SF3B1: variants seen among roughly 807,000 people sequenced by gnomAD.
The protein encoded by SF3B1 is splicing factor 3b subunit 1.
Under a neutral mutation model 153.8 loss-of-function variants are expected in SF3B1, and 12 were observed. The observed-to-expected ratio is 0.08, with a 90% CI of 0.05 to 0.13. The LOEUF (loss-of-function observed/expected upper bound fraction) is 0.13, where lower values mean the gene tolerates loss of function less well. Ranked by LOEUF, SF3B1 falls within the 10% of genes least tolerant of loss-of-function variation. The pLI, the probability that SF3B1 is intolerant of heterozygous loss-of-function variation, is 1.00. For missense variants in SF3B1, 513 were observed against 1,606.1 expected (o/e 0.32, Z 11.63); for synonymous variants, 498 against 525.2 (o/e 0.95, Z 0.71).
chr2:197,397,144 TC>T (rs2084884013), intron 22 of SF3B1, among the ~76,000 whole-genome samples: 1 of 152,198 alleles, frequency 6.6e-6, no homozygotes, highest in Non-Finnish European at 1.5e-5. Flanking sequence ...TTCAGTTAAA[TC>T]CGTGGAGTAA....
rs2105987900 is a variant in SF3B1, at chr2:197,402,954, C to A, written c.1801G>T (p.Ala601Ser). Residue 601 changes from alanine (A) to serine (S), a missense_variant, in exon 13 of 25, where the codon GCA (alanine) becomes TCA (serine). Ala to Ser is a moderately conservative substitution (Grantham distance 99). Around this residue, in one of 21 missense-constraint regions of SF3B1, gnomAD observed 34 missense variants for 190.8 expected, o/e 0.18. Coordinates refer to ENST00000335508, the MANE Select transcript of SF3B1 (RefSeq NM_012433.4). This position sits in a 1 kb window ranked among gnomAD's most constrained non-coding sequence, Gnocchi z 4.6. The part of the protein sequence containing the change: ...VEGREIISNL[A>S]KAAGLATMIS... ...TAGAAATTAAATGTAAATACCTTTG[C>A]CAAATTAGAAATGATCTCTCGGCCT... The A allele has an allele frequency of 6.2e-7, 1 of 1,613,032 alleles. No homozygotes were observed. Among genetic ancestry groups the A allele is most frequent in the Non-Finnish European group, 8.5e-7 (1 of 1,179,260 alleles).
rs2084804236 is a variant in SF3B1 at position 197,390,905 on chromosome 2, G to C, written c.*1398C>G. Reference sequence around the variant, plus strand: ...CATGAGCCACCACACCCGGCCACAAGCTGTTTCTTAACTAAGCTTCTGAAG... The same window carrying C: ...CATGAGCCACCACACCCGGCCACAACCTGTTTCTTAACTAAGCTTCTGAAG... On this transcript the variant is annotated 3_prime_UTR_variant, in exon 25 of 25. Coordinates refer to ENST00000335508, the MANE Select transcript of SF3B1 (RefSeq NM_012433.4). 1 of 152,326 alleles carries C rather than the reference G, an allele frequency of 6.6e-6. No homozygotes were observed. Among genetic ancestry groups the C allele is most frequent in the Admixed American group, 6.5e-5 (1 of 15,286 alleles). 9.4% of individuals were successfully genotyped at this position (152,326 alleles called of 1,614,324 possible).
rs2085044343 is a variant in SF3B1 at position 197,410,011 on chromosome 2, A to T, written c.667-4T>A. 6.3e-7 allele frequency: 1 copy of T among 1,576,442 alleles called. No individual in the cohort carries two copies. On this transcript the variant is annotated splice_region_variant and splice_polypyrimidine_tract_variant and intron_variant, in intron 6 of 24. Coordinates refer to ENST00000335508, the MANE Select transcript of SF3B1 (RefSeq NM_012433.4). ...AGGAAGGAGTATGCCCAGGGGTCTTAAAAAAGCAAAAAAATTTTATTTCAC... is the reference window on the plus strand; with the variant it reads ...AGGAAGGAGTATGCCCAGGGGTCTTTAAAAAGCAAAAAAATTTTATTTCAC...
intron 22 of SF3B1, among the ~76,000 whole-genome samples, chr2:197,397,390 A>C (rs1235984166): frequency 6.6e-6 from 1 of 152,200 alleles, no homozygotes; most frequent in Non-Finnish European, 1.5e-5. Context: ...ATATCCTAGA[A>C]GACCAGCACA....
At position 197,416,870 on chromosome 2, in the gene SF3B1, T is replaced by G. The variant is rs1466082319; in HGVS notation, c.537A>C (p.Gly179=). ...CTGCTCCATTGACGACTTTTAGTTCTCCAGCTTTAGCTTTTTCTGCTAGCT... is the reference window on the plus strand; with the variant it reads ...CTGCTCCATTGACGACTTTTAGTTCGCCAGCTTTAGCTTTTTCTGCTAGCT... The part of the protein sequence containing the change: ...RQQLAEKAKA[G]ELKVVNGAAA... Residue 179 remains glycine, a synonymous_variant, in exon 6 of 25, where the codon GGA becomes GGC. Transcript: ENST00000335508. 1 of 1,613,912 alleles carries G rather than the reference T, an allele frequency of 6.2e-7. No homozygotes were observed. Among genetic ancestry groups the G allele is most frequent in the East Asian group, 2.2e-5 (1 of 44,880 alleles).
intron 23 of SF3B1, among the ~76,000 whole-genome samples, chr2:197,394,209 CT>C (rs1277511269): frequency 6.6e-6 from 1 of 151,842 alleles, no homozygotes; most frequent in Non-Finnish European, 1.5e-5. Context: ...AATTATTTTT[CT>C]TTTTTATTGT....
At chr2:197,421,772 G>T (rs2085246216) in intron 2 of SF3B1, among the ~76,000 whole-genome samples, 2 of 152,092 alleles carry the variant, frequency 1.3e-5, no homozygotes, top group Non-Finnish European at 2.9e-5. Context: ...GAGCCCAGGA[G>T]TTCAAGACCA....
Position 197,415,811 on chromosome 2 carries a change from G to GT in SF3B1, c.666+929dup, listed in dbSNP as rs531295653. Among the ~76,000 whole-genome samples the GT allele has an allele frequency of 5.4e-3, 817 of 151,876 alleles. 6 individuals carry two copies. The highest frequency in any genetic ancestry group is 0.018 in the African/African-American group (748 of 41,424). On this transcript the variant is annotated intron_variant, in intron 6 of 24. Coordinates refer to ENST00000335508, the MANE Select transcript of SF3B1 (RefSeq NM_012433.4). ...AAGATTTTACAGATGCCATCGTTTT[G>GT]TTTTTTTGAGACAGGGTCTTACTCT...
chr2:197,411,603 C>T (rs1559270429), intron 6 of SF3B1, among the ~76,000 whole-genome samples: 1 of 151,142 alleles, frequency 6.6e-6, no homozygotes, highest in African/African-American at 2.4e-5. Context: ...ACCCGGGAGG[C>T]AGAGTTTGCA....
chr2:197,416,638 A>G, intron 6 of SF3B1, 103 bp downstream of exon 6: 1 of 965,180 alleles, frequency 1.0e-6, no homozygotes, highest in Non-Finnish European at 1.5e-6. Context: ...TGTTTAAGGC[A>G]CCCAGTCTGT....
intron 6 of SF3B1, among the ~76,000 whole-genome samples, chr2:197,412,417 G>A (rs78970691): frequency 5.3e-5 from 8 of 151,490 alleles, no homozygotes; most frequent in African/African-American, 9.7e-5. Context: ...GTCCAATGGC[G>A]CAGTCTCGGC....
chr2:197,418,263 A>T (rs961448410), intron 5 of SF3B1, among the ~76,000 whole-genome samples: 17 of 143,274 alleles, frequency 1.2e-4, no homozygotes, highest in African/African-American at 4.2e-4. Flanking sequence ...AAAAAAAAAA[A>T]ATCCCTTGTG....
chr2:197,430,937 T>A (rs1056038416), intron 1 of SF3B1, among the ~76,000 whole-genome samples: 1 of 152,008 alleles, frequency 6.6e-6, no homozygotes, highest in Non-Finnish European at 1.5e-5. Context: ...TGGGATTACA[T>A]GCGTGAGCAA....
chr2:197,430,985 A>G (rs1209895612), intron 1 of SF3B1, among the ~76,000 whole-genome samples: 1 of 152,004 alleles, frequency 6.6e-6, no homozygotes, highest in Non-Finnish European at 1.5e-5. Context: ...AGACCTACAT[A>G]TCAAGCTCTT....
chr2:197,402,211 C>G lies in SF3B1; in HGVS notation c.2078-81G>C, dbSNP rs1435318376. On this transcript the variant is annotated intron_variant, in intron 14 of 24. Coordinates refer to ENST00000335508, the MANE Select transcript of SF3B1 (RefSeq NM_012433.4). The surrounding 1 kb of genome is among the most constrained non-coding windows in gnomAD (Gnocchi z 4.6). ...TATCATCCAGATTCTCTCAATATAT[C>G]AACTATTCAGCCAAACTGCAGAATA... 3.3e-6 allele frequency: 5 copies of G among 1,500,124 alleles called. No individual in the cohort carries two copies. The African/African-American group carries it at 5.6e-5, about 17-fold the overall frequency. The allele number at this position is 1,500,124 out of a possible 1,614,324, so 92.9% of individuals were successfully genotyped here. A position where few individuals can be genotyped will look rare whatever the true frequency, so the allele number is the denominator to read the frequency against.
rs2085128457 is a variant in SF3B1 at position 197,415,139 on chromosome 2, A to G, written c.666+1602T>C. The stretch of plus-strand genomic sequence containing the variant: ...TGCTGTTATTAAGACAAAGCACGAT[A>G]AAACATGTTTGCTGGTGCTGATAAT... On this transcript the variant is annotated intron_variant, in intron 6 of 24. Coordinates refer to ENST00000335508, the MANE Select transcript of SF3B1 (RefSeq NM_012433.4). Among the ~76,000 whole-genome samples the G allele has an allele frequency of 1.3e-5, 2 of 150,658 alleles. 1 individual carries two copies. Among genetic ancestry groups the G allele is most frequent in the African/African-American group, 4.9e-5 (2 of 40,880 alleles).
chr2:197,398,334 T>C (rs1021651801), intron 21 of SF3B1, 127 bp downstream of exon 21: 3 of 1,084,048 alleles, frequency 2.8e-6, no homozygotes, highest in Non-Finnish European at 4.1e-6. Flanking sequence ...CTGAAAATAT[T>C]AATACTGGAT....
chr2:197,420,934 C>A, intron 3 of SF3B1, 95 bp downstream of exon 3: 1 of 758,224 alleles, frequency 1.3e-6, no homozygotes, highest in South Asian at 1.7e-5. Flanking sequence ...TTATAATTAT[C>A]CTTAAAGCAT....
chr2:197,413,799 T>C (rs1012141786), intron 6 of SF3B1, among the ~76,000 whole-genome samples: 7 of 150,276 alleles, frequency 4.7e-5, no homozygotes, highest in African/African-American at 1.8e-4. Context: ...GTTATTGTTG[T>C]TCTTGTTTTG....
Sources: gnomAD v4.1 joint callset for allele counts (sites outside exome capture counted in the v4.1 genomes callset) on GRCh38, gnomAD v4.1.1 for gene constraint, gnomAD v4.1.1 regional missense constraint, Gnocchi (gnomAD v3.1) non-coding constraint, MANE v1.5 for transcripts, NCBI Gene and HGNC (gene_info 2026-07-23, HGNC 2026-07-21) for gene names.